Variants in NBEA observed in about 807,000 individuals in gnomAD.
NBEA encodes lysosomal-trafficking regulator 2.
In NBEA, 44 loss-of-function variants were observed where a neutral mutation model predicts 343.4. The ratio of observed to expected loss-of-function variants is 0.13; its 90% CI spans 0.10 to 0.16. The LOEUF (loss-of-function observed/expected upper bound fraction) is 0.16. Ranked by LOEUF, NBEA falls within the 10% of genes least tolerant of loss-of-function variation. The probability of loss-of-function intolerance (pLI) is 1.00; values close to 1 mark genes in which losing one functional copy is unlikely to be tolerated. For missense variants in NBEA, 2,555 were observed against 3,631.3 expected (o/e 0.70, Z 7.62); for synonymous variants, 1,175 against 1,238.7 (o/e 0.95, Z 1.08).
chr13:35,184,118 T>C (rs1280291580), intron 30 of NBEA, 47 bp downstream of exon 30: 19 of 1,359,296 alleles, frequency 1.4e-5, no homozygotes, highest in Non-Finnish European at 2.0e-5. Flanking sequence ...TCTTATTTCA[T>C]GAATTGTTTT....
intron 34 of NBEA, among the ~76,000 whole-genome samples, chr13:35,285,483 T>C (rs2035360721): frequency 6.6e-6 from 1 of 152,172 alleles, no homozygotes; most frequent in Non-Finnish European, 1.5e-5. Context: ...ATATTGTCTA[T>C]AATGAAACTG....
chr13:35,475,963 A>T, intron 41 of NBEA: 1 of 1,614,170 alleles, frequency 6.2e-7, no homozygotes, highest in Non-Finnish European at 8.5e-7. Flanking sequence ...GCGATTGTCC[A>T]TCTCGTTGAG....
At chr13:35,513,239 C>T (rs1402188203) in intron 41 of NBEA, among the ~76,000 whole-genome samples, 3 of 148,688 alleles carry the variant, frequency 2.0e-5, no homozygotes, top group Non-Finnish European at 4.4e-5. Flanking sequence ...CAGGTTCAAG[C>T]GATTCTCCTG....
chr13:35,474,793 C>G, intron 41 of NBEA: 1 of 419,698 alleles, frequency 2.4e-6, no homozygotes, highest in Non-Finnish European at 4.3e-6. Context: ...CGGAGTGTTA[C>G]GGTGTACTTT....
intron 38 of NBEA, among the ~76,000 whole-genome samples, chr13:35,428,850 C>A (rs1379946200): frequency 6.6e-6 from 1 of 152,150 alleles, no homozygotes; most frequent in Admixed American, 6.5e-5. Context: ...TCTATTTAGA[C>A]TTCCTGTAAC....
chr13:35,252,316 C>G lies in NBEA; in HGVS notation c.5776+19697C>G, dbSNP rs572083673. The stretch of plus-strand genomic sequence containing the variant: ...GTGAACAGCATGGGAGAAATCACCC[C>G]CATGATTCAGTCAGCTCTGCCAGGT... On this transcript the variant is annotated intron_variant, in intron 34 of 58. Transcript: ENST00000379939. Among the ~76,000 whole-genome samples, 414 of 152,264 alleles carry G rather than the reference C, an allele frequency of 2.7e-3. 3 individuals carry two copies. Among genetic ancestry groups the G allele is most frequent in the African/African-American group, 9.3e-3 (388 of 41,530 alleles).
chr13:35,585,997 G>A (rs985038230), intron 46 of NBEA, among the ~76,000 whole-genome samples: 1 of 151,932 alleles, frequency 6.6e-6, no homozygotes, highest in Admixed American at 6.6e-5. Flanking sequence ...CTCCATTCTG[G>A]TCTAGATAGG....
chr13:35,352,918 T>G lies in NBEA; in HGVS notation c.6179+595T>G, dbSNP rs370313454. Among the ~76,000 whole-genome samples the G allele has an allele frequency of 1.1e-4, 16 of 152,248 alleles. No homozygotes were observed. The South Asian group carries it at 2.9e-3, about 28-fold the overall frequency. On this transcript the variant is annotated intron_variant, in intron 38 of 58. Transcript: ENST00000379939. ...AGTTTTGTGGACATACAATTATTGT[T>G]GTTGTTGTTGTTGTTGTTATCTATA...
intron 41 of NBEA, among the ~76,000 whole-genome samples, chr13:35,543,287 A>G (rs935113272): frequency 1.3e-5 from 2 of 152,306 alleles, no homozygotes; most frequent in Admixed American, 1.3e-4. Flanking sequence ...AGCTACTTAT[A>G]ACTTTCTTTT....
chr13:35,102,806 G>A (rs917470225), intron 11 of NBEA, among the ~76,000 whole-genome samples: 20 of 151,560 alleles, frequency 1.3e-4, no homozygotes, highest in Non-Finnish European at 2.7e-4. Context: ...AATTTTTGTA[G>A]ACAATAATAA....
chr13:35,427,607 C>G (rs2044783602), intron 38 of NBEA, among the ~76,000 whole-genome samples: 1 of 152,198 alleles, frequency 6.6e-6, no homozygotes, highest in Non-Finnish European at 1.5e-5. Flanking sequence ...GGCAGTCTGC[C>G]CGTTCTCAGA....
At chr13:35,373,670 A>G (rs2041575370) in intron 38 of NBEA, among the ~76,000 whole-genome samples, 1 of 150,814 alleles carries the variant, frequency 6.6e-6, no homozygotes, top group Non-Finnish European at 1.5e-5. Flanking sequence ...GCGCCACTGC[A>G]CTCCAGCCTG....
chr13:35,425,482 T>C (rs973232098), intron 38 of NBEA, among the ~76,000 whole-genome samples: 19 of 152,214 alleles, frequency 1.2e-4, no homozygotes, highest in African/African-American at 4.3e-4. Context: ...AATCCTGAGT[T>C]CTAGTTTGAT....
chr13:35,668,018 GTTCT>G (rs1261791576), intron 57 of NBEA, among the ~76,000 whole-genome samples: 1 of 152,056 alleles, frequency 6.6e-6, no homozygotes, highest in Non-Finnish European at 1.5e-5. Flanking sequence ...TCTTCCATTT[GTTCT>G]TTAATTCTCT....
At chr13:35,228,996 G>T (rs1369659954) in intron 33 of NBEA, among the ~76,000 whole-genome samples, 2 of 152,064 alleles carry the variant, frequency 1.3e-5, no homozygotes, top group Admixed American at 1.3e-4. Context: ...TTACTTCTGT[G>T]CATAAAATGT....
intron 36 of NBEA, among the ~76,000 whole-genome samples, chr13:35,345,079 A>G (rs1255713725): frequency 6.6e-6 from 1 of 152,088 alleles, no homozygotes; most frequent in Admixed American, 6.6e-5. Context: ...TATCCCATGA[A>G]TGCAGGAGTT....
Position 35,160,847 on chromosome 13 carries a change from A to C in NBEA, c.3861+815A>C, listed in dbSNP as rs551141588. Among the ~76,000 whole-genome samples the C allele has an allele frequency of 2.6e-5, 4 of 152,284 alleles. No homozygotes were observed. In the South Asian group the frequency reaches 6.2e-4, roughly 24 times the overall value. ...GGATAAATAATACCTTATGGTTAAG[A>C]GTTGAAGAAATAAGAATACATTTAC... is the stretch of plus-strand genomic sequence containing the variant. On this transcript the variant is annotated intron_variant, in intron 22 of 58. Coordinates refer to ENST00000379939, the MANE Select transcript of NBEA (RefSeq NM_001385012.1).
At chr13:35,412,029 T>C (rs1444985435) in intron 38 of NBEA, among the ~76,000 whole-genome samples, 3 of 152,162 alleles carry the variant, frequency 2.0e-5, no homozygotes, top group Non-Finnish European at 4.4e-5. Flanking sequence ...TGTCTTACCC[T>C]TCTTAGTGCC....
At chr13:35,622,082 G>A (rs926172842) in intron 48 of NBEA, among the ~76,000 whole-genome samples, 2 of 152,190 alleles carry the variant, frequency 1.3e-5, no homozygotes, top group Non-Finnish European at 2.9e-5. Flanking sequence ...TGAGAGCTGA[G>A]AACACAGGAA....
Sources: gnomAD v4.1 joint callset for allele counts (sites outside exome capture counted in the v4.1 genomes callset) on GRCh38, gnomAD v4.1.1 for gene constraint, MANE v1.5 for transcripts, NCBI Gene and HGNC (gene_info 2026-07-23, HGNC 2026-07-21) for gene names.